CENPQ: variants seen among roughly 807,000 people sequenced by gnomAD.
CENPQ encodes centromere protein Q, also known as chromosome 6 open reading frame 139.
CENPQ carries 27 observed loss-of-function variants against 36.6 expected under a neutral mutation model. That is an observed-to-expected ratio of 0.74 (90% CI 0.54 to 1.02). The LOEUF (loss-of-function observed/expected upper bound fraction) is 1.02. Ranked by LOEUF, CENPQ falls within the 50% of genes least tolerant of loss-of-function variation. The pLI is 0.00. For synonymous variants in CENPQ, 101 were observed against 101.7 expected (o/e 0.99, Z 0.04); for missense variants, 306 against 301.8 (o/e 1.01, Z -0.10).
chr6:49,470,098 T>C (rs1768091266), intron 1 of CENPQ, 61 bp from the exon 2 acceptor site: 2 of 745,152 alleles, frequency 2.7e-6, no homozygotes, highest in East Asian at 2.9e-5. Context: ...CAAAACATTG[T>C]GCAAGGCTTT....
chr6:49,468,843 G>A (rs1275801453), intron 1 of CENPQ, among the ~76,000 whole-genome samples: 1 of 152,162 alleles, frequency 6.6e-6, no homozygotes, highest in Non-Finnish European at 1.5e-5. Flanking sequence ...CTCTTATTCA[G>A]TGAACAACTT....
rs1420351417 is a variant in CENPQ at position 49,481,023 on chromosome 6, A to G, written c.420A>G (p.Leu140=). ...KMEDLTNVSS[L]LNMERARDKA... ...AAGATTTAACTAATGTATCAAGTCT[A>G]CTGAATATGGAAAGGGCACGAGACA... The change falls in exon 6 of 9, where the codon CTA becomes CTG. Residue 140 remains leucine (L), a synonymous_variant. Coordinates refer to ENST00000335783, the MANE Select transcript of CENPQ (RefSeq NM_018132.4). The G allele has an allele frequency of 3.1e-6, 5 of 1,611,534 alleles. No homozygotes were observed. The East Asian group carries it at 1.1e-4, about 36-fold the overall frequency.
At chr6:49,480,868 G>C in intron 5 of CENPQ, 83 bp from the exon 6 acceptor site, 1 of 962,490 alleles carries the variant, frequency 1.0e-6, no homozygotes, top group Admixed American at 3.0e-5. Context: ...AAGAATATGA[G>C]GACAAGAAAA....
At chr6:49,481,838 C>T (rs985393669) in intron 6 of CENPQ, among the ~76,000 whole-genome samples, 3 of 93,222 alleles carry the variant, frequency 3.2e-5, no homozygotes, top group African/African-American at 1.0e-4. Flanking sequence ...CTCCTCAGCC[C>T]TTGGGTGGTC....
intron 6 of CENPQ, among the ~76,000 whole-genome samples, chr6:49,482,663 T>C (rs945786305): frequency 1.5e-4 from 8 of 52,722 alleles, no homozygotes; most frequent in African/African-American, 7.3e-5. Context: ...TGCTCGGCGA[T>C]TGGCGATGGT....
At chr6:49,477,396 A>C (rs1326171480) in intron 5 of CENPQ, among the ~76,000 whole-genome samples, 3 of 126,972 alleles carry the variant, frequency 2.4e-5, no homozygotes, top group Non-Finnish European at 4.8e-5. Context: ...CAGGAAGGGG[A>C]TCATCACACA....
intron 4 of CENPQ, among the ~76,000 whole-genome samples, 157 bp downstream of exon 4, chr6:49,472,340 A>G (rs1013129301): frequency 6.6e-6 from 1 of 152,190 alleles, no homozygotes; most frequent in Non-Finnish European, 1.5e-5. Context: ...TGCCTTCAGC[A>G]GAAAAGTCTT....
chr6:49,464,127 G>A (rs1767936501), intron 1 of CENPQ, among the ~76,000 whole-genome samples: 1 of 151,940 alleles, frequency 6.6e-6, no homozygotes, highest in Non-Finnish European at 1.5e-5. Flanking sequence ...TATGAATAAT[G>A]TACAAACATA....
chr6:49,477,576 AAAAAG>A (rs1202792949), intron 5 of CENPQ, among the ~76,000 whole-genome samples: 4 of 152,146 alleles, frequency 2.6e-5, no homozygotes, highest in Admixed American at 6.6e-5. Flanking sequence ...TAAAAAAAAA[AAAAAG>A]AAAATGTTCT....
intron 6 of CENPQ, among the ~76,000 whole-genome samples, chr6:49,482,055 C>T (rs894101083): frequency 2.0e-5 from 3 of 152,294 alleles, no homozygotes; most frequent in South Asian, 2.1e-4. Flanking sequence ...CCCCCGCAGC[C>T]GCTGGCTTGG....
At chr6:49,470,399 C>A (rs1205434151) in intron 2 of CENPQ, 121 bp downstream of exon 2, 16 of 500,416 alleles carry the variant, frequency 3.2e-5, no homozygotes, top group South Asian at 8.7e-5. Context: ...GTCAGGAGAT[C>A]GAAACCATCC....
intron 1 of CENPQ, among the ~76,000 whole-genome samples, chr6:49,468,850 A>G (rs1028185992): frequency 1.3e-5 from 2 of 152,200 alleles, no homozygotes; most frequent in African/African-American, 2.4e-5. Context: ...TCAGTGAACA[A>G]CTTGAACTAT....
chr6:49,488,789 A>G (rs1768651692), intron 8 of CENPQ, 105 bp downstream of exon 8: 1 of 885,674 alleles, frequency 1.1e-6, no homozygotes, highest in Non-Finnish European at 1.9e-6. Context: ...CGCAAGTCAC[A>G]CAAATGTTTT....
chr6:49,470,994 A>G lies in CENPQ; in HGVS notation c.123A>G (p.Lys41=), dbSNP rs530931777. The change falls in exon 3 of 9, where the codon AAA becomes AAG. Residue 41 remains lysine, a synonymous_variant. Transcript: ENST00000335783. ...SENKVRNTVK[K]NKNHLKDLSS... is the part of the protein sequence containing the mutation. ...TCTAGGTTAGAAACACAGTGAAAAA[A>G]AATAAAAATCATCTGAAAGATCTGT... 2.2e-5 allele frequency: 34 copies of G among 1,534,464 alleles called. No homozygotes were observed. The South Asian group carries it at 4.1e-4, about 18-fold the overall frequency.
At chr6:49,473,244 A>C (rs572220475) in intron 5 of CENPQ, among the ~76,000 whole-genome samples, 7 of 152,146 alleles carry the variant, frequency 4.6e-5, no homozygotes, top group Non-Finnish European at 8.8e-5. Flanking sequence ...TATTGTCTTA[A>C]ATTATTTGCA....
intron 1 of CENPQ, among the ~76,000 whole-genome samples, chr6:49,465,805 G>A (rs1388173681): frequency 1.3e-5 from 2 of 152,046 alleles, no homozygotes; most frequent in Non-Finnish European, 2.9e-5. Flanking sequence ...CTTCAATCCC[G>A]GACCACTCAA....
intron 5 of CENPQ, among the ~76,000 whole-genome samples, chr6:49,473,790 T>C (rs1768204669): frequency 6.6e-6 from 1 of 152,022 alleles, no homozygotes; most frequent in Non-Finnish European, 1.5e-5. Flanking sequence ...TGTGCAGAGA[T>C]ACGCATAGGC....
chr6:49,475,534 C>T (rs1302208296), intron 5 of CENPQ, among the ~76,000 whole-genome samples: 7 of 152,196 alleles, frequency 4.6e-5, no homozygotes, highest in Non-Finnish European at 4.4e-5. Context: ...TGCCCTCTCT[C>T]ACCAATCCTA....
intron 3 of CENPQ, 92 bp downstream of exon 3, chr6:49,471,120 C>A: frequency 1.5e-6 from 1 of 673,538 alleles, no homozygotes; most frequent in Non-Finnish European, 2.3e-6. Context: ...TTTATGAGTT[C>A]TGCAAAAGAT....
Sources: gnomAD v4.1 joint callset for allele counts (sites outside exome capture counted in the v4.1 genomes callset) on GRCh38, gnomAD v4.1.1 for gene constraint, MANE v1.5 for transcripts, NCBI Gene and HGNC (gene_info 2026-07-23, HGNC 2026-07-21) for gene names.